The following SH3GLB1 variants were observed in gnomAD, a reference collection of about 807,000 sequenced individuals.
SH3GLB1 encodes SH3 domain containing GRB2 like, endophilin B1, also known as endophilin-B1.
Under a neutral mutation model 42.0 loss-of-function variants are expected in SH3GLB1, and 17 were observed. The ratio of observed to expected loss-of-function variants is 0.40; its 90% CI spans 0.28 to 0.61. SH3GLB1 has a LOEUF of 0.61. Ranked by LOEUF, SH3GLB1 falls within the 20% of genes least tolerant of loss-of-function variation. SH3GLB1 has a pLI of 0.36. For missense variants in SH3GLB1, 355 were observed against 426.3 expected (o/e 0.83, Z 1.47); for synonymous variants, 132 against 146.6 (o/e 0.90, Z 0.72).
chr1:86,730,942 T>C (rs1012460525), intron 5 of SH3GLB1, among the ~76,000 whole-genome samples: 4 of 152,258 alleles, frequency 2.6e-5, no homozygotes, highest in Non-Finnish European at 5.9e-5. Flanking sequence ...TTGATTTTAC[T>C]ACAGTTAAGG....
At chr1:86,708,280 T>C (rs74871690) in intron 1 of SH3GLB1, among the ~76,000 whole-genome samples, 3,147 of 152,314 alleles carry the variant, frequency 0.021, 92 homozygotes, top group Non-Finnish European at 0.022. Context: ...AGTTTCATGC[T>C]AAGAATAGCT....
At position 86,739,873 on chromosome 1, in the gene SH3GLB1, A is replaced by G. The variant is rs150222721; in HGVS notation, c.762-2335A>G. 8.6e-3 allele frequency among the ~76,000 whole-genome samples: 1,315 copies of G among 152,146 alleles called. 71 individuals are homozygous for G. The highest frequency in any genetic ancestry group is 0.076 in the Admixed American group (1,165 of 15,266). ...ATTAAAGAGTTTCCTGGCCAGGCGC[A>G]GTGGCTCATGCCTGTAATCCCAGCA... is the stretch of plus-strand genomic sequence containing the variant. On this transcript the variant is annotated intron_variant, in intron 7 of 8. Transcript: ENST00000370558.
rs59585543 is a variant in SH3GLB1 at position 86,733,891 on chromosome 1, C to T, written c.571-711C>T. Among the ~76,000 whole-genome samples the T allele has an allele frequency of 3.8e-3, 569 of 150,712 alleles. 1 individual carries two copies. Among genetic ancestry groups the T allele is most frequent in the African/African-American group, 0.013 (535 of 41,094 alleles). ...GATATGAGAGCTTTTTTTTTTATTT[C>T]TTGGGGAAGAATTTAACAGCACACT... On this transcript the variant is annotated intron_variant, in intron 5 of 8. Coordinates refer to ENST00000370558, the MANE Select transcript of SH3GLB1 (RefSeq NM_016009.5).
intron 1 of SH3GLB1, among the ~76,000 whole-genome samples, chr1:86,711,274 A>G (rs1459662697): frequency 6.6e-6 from 1 of 151,378 alleles, no homozygotes. Flanking sequence ...CAGGCTCCTT[A>G]TTTAATAATG....
rs1474111594 is a variant in SH3GLB1 at position 86,747,540 on chromosome 1, G to C, written c.*4305G>C. On this transcript the variant is annotated 3_prime_UTR_variant, in exon 9 of 9. Coordinates refer to ENST00000370558, the MANE Select transcript of SH3GLB1 (RefSeq NM_016009.5). ...CTGTCCATGTAGGGGAAACTTCTGG[G>C]CTGTATTACAAGTGGGTAGGAAGGT... 1.3e-5 allele frequency: 2 copies of C among 152,198 alleles called. No homozygotes were observed. The highest frequency in any genetic ancestry group is 4.8e-5 in the African/African-American group (2 of 41,434). 9.4% of individuals were successfully genotyped at this position (152,198 alleles called of 1,614,324 possible). A position where few individuals can be genotyped will look rare whatever the true frequency, so the allele number is the denominator to read the frequency against.
At chr1:86,720,651 A>T (rs1350352797) in intron 3 of SH3GLB1, among the ~76,000 whole-genome samples, 1 of 152,198 alleles carries the variant, frequency 6.6e-6, no homozygotes, top group Non-Finnish European at 1.5e-5. Flanking sequence ...CATCTGCAAG[A>T]TACTGGTCTT....
chr1:86,720,006 A>G (rs939104113), intron 3 of SH3GLB1, among the ~76,000 whole-genome samples: 2 of 151,612 alleles, frequency 1.3e-5, no homozygotes, highest in African/African-American at 4.8e-5. Context: ...AAAAAAAAAA[A>G]AAAAAAAAAA....
At position 86,724,915 on chromosome 1, in the gene SH3GLB1, A is replaced by T. The variant is rs899952462; in HGVS notation, c.570+510A>T. The stretch of plus-strand genomic sequence containing the variant: ...AAAATATATATATATATATATATAA[A>T]ATATATAATATATATGTGTGTGTAT... On this transcript the variant is annotated intron_variant, in intron 5 of 8. Coordinates refer to ENST00000370558, the MANE Select transcript of SH3GLB1 (RefSeq NM_016009.5). 4.3e-3 allele frequency among the ~76,000 whole-genome samples: 544 copies of T among 126,898 alleles called. 10 individuals are homozygous for T. Among genetic ancestry groups the T allele is most frequent in the African/African-American group, 0.018 (517 of 29,148 alleles). 83.3% of individuals were successfully genotyped at this position (126,898 alleles called of 152,430 possible).
chr1:86,724,935 G>C (rs1048929571), intron 5 of SH3GLB1, among the ~76,000 whole-genome samples: 1 of 130,282 alleles, frequency 7.7e-6, no homozygotes, highest in Non-Finnish European at 1.6e-5. Context: ...ATATATGTGT[G>C]TGTATATATA....
In SH3GLB1 at chr1:86,734,598, T is replaced by G. The variant is rs1438595833; in HGVS notation, c.571-4T>G. The stretch of plus-strand genomic sequence containing the variant: ...GAGATTCTAAAACTATATTCTTACT[T>G]AAGTCTGAACAGGAATTAAGAATAA... On this transcript the variant is annotated splice_polypyrimidine_tract_variant and splice_region_variant and intron_variant, in intron 5 of 8. Transcript: ENST00000370558. 6.2e-7 allele frequency: 1 copy of G among 1,603,242 alleles called. No homozygotes were observed.
chr1:86,725,567 A>T (rs263460), intron 5 of SH3GLB1, among the ~76,000 whole-genome samples: 1 of 152,138 alleles, frequency 6.6e-6, no homozygotes, highest in African/African-American at 2.4e-5. Flanking sequence ...TAACAAGTTA[A>T]TACTTAATTT....
intron 5 of SH3GLB1, among the ~76,000 whole-genome samples, chr1:86,726,498 T>C (rs196529): frequency 0.16 from 24,594 of 151,982 alleles, 2,318 homozygotes; most frequent in African/African-American, 0.26. Context: ...AGGTTTTTTT[T>C]CTATGGGAAT....
intron 4 of SH3GLB1, among the ~76,000 whole-genome samples, chr1:86,723,825 C>T (rs981199562): frequency 2.6e-5 from 4 of 152,184 alleles, no homozygotes; most frequent in Non-Finnish European, 5.9e-5. Context: ...TTCCTTCTTT[C>T]TAGGCACTTT....
At chr1:86,711,388 A>G (rs777437593) in intron 1 of SH3GLB1, among the ~76,000 whole-genome samples, 97 of 152,202 alleles carry the variant, frequency 6.4e-4, no homozygotes, top group Non-Finnish European at 3.1e-4. Context: ...TAGAGAAAAT[A>G]TATAAAAGGG....
At chr1:86,742,142 C>A in intron 7 of SH3GLB1, 66 bp from the exon 8 acceptor site, 2 of 1,169,532 alleles carry the variant, frequency 1.7e-6, no homozygotes, top group African/African-American at 1.5e-5. Context: ...ACAGCGCCAC[C>A]GAGTGGTGGT....
intron 2 of SH3GLB1, 95 bp downstream of exon 2, chr1:86,715,960 T>A: frequency 7.5e-7 from 1 of 1,326,222 alleles, no homozygotes; most frequent in East Asian, 2.5e-5. Context: ...AAACATAGGA[T>A]TTTTTTATTG....
intron 5 of SH3GLB1, chr1:86,730,015 C>A: frequency 1.5e-6 from 2 of 1,366,762 alleles, no homozygotes; most frequent in South Asian, 1.3e-5. Flanking sequence ...TTATATTTTT[C>A]TATACTAAGT....
chr1:86,743,159 A>T lies in SH3GLB1; in HGVS notation c.1022A>T (p.Asp341Val). Residue 341 changes from aspartate (D) to valine (V), a missense_variant, in exon 9 of 9, where the codon GAT becomes GTT. Asp to Val is a radical substitution (Grantham distance 152). Coordinates refer to ENST00000370558, the MANE Select transcript of SH3GLB1 (RefSeq NM_016009.5). ...VITVFSVVGM[D>V]SDWLMGERGN... ...ACTGTGTTCAGTGTTGTTGGAATGG[A>T]TTCAGACTGGCTAATGGGGGAAAGG... 1.2e-6 allele frequency: 2 copies of T among 1,613,796 alleles called. No homozygotes were observed. The highest frequency in any genetic ancestry group is 2.2e-5 in the South Asian group (2 of 91,038).
At chr1:86,739,799 A>C (rs953169651) in intron 7 of SH3GLB1, among the ~76,000 whole-genome samples, 1 of 152,110 alleles carries the variant, frequency 6.6e-6, no homozygotes, top group African/African-American at 2.4e-5. Context: ...AAAAAGGATG[A>C]GATTTTGTGC....
Sources: gnomAD v4.1 joint callset for allele counts (sites outside exome capture counted in the v4.1 genomes callset) on GRCh38, gnomAD v4.1.1 for gene constraint, MANE v1.5 for transcripts, NCBI Gene and HGNC (gene_info 2026-07-23, HGNC 2026-07-21) for gene names.